DNAJB9: variants seen among roughly 807,000 people sequenced by gnomAD.
The protein encoded by DNAJB9 is DnaJ heat shock protein family (Hsp40) member B9.
DNAJB9 carries 12 observed loss-of-function variants against 19.2 expected under a neutral mutation model. That is an observed-to-expected ratio of 0.62 (90% confidence interval 0.40 to 1.01). The LOEUF is 1.01. Ranked by LOEUF, DNAJB9 falls within the 50% of genes least tolerant of loss-of-function variation. DNAJB9 has a pLI of 0.00. For missense variants in DNAJB9, 272 were observed against 261.1 expected (o/e 1.04, Z -0.29); for synonymous variants, 83 against 84.0 (o/e 0.99, Z 0.07).
At position 108,574,686 on chromosome 7, in the gene DNAJB9, G is replaced by A. The variant is rs562161357; in HGVS notation, c.*1333G>A. 6.6e-5 allele frequency: 10 copies of A among 152,162 alleles called. No individual in the cohort carries two copies. Among genetic ancestry groups the A allele is most frequent in the African/African-American group, 2.2e-4 (9 of 41,504 alleles). 9.4% of individuals were successfully genotyped at this position (152,162 alleles called of 1,614,324 possible). A position where few individuals can be genotyped will look rare whatever the true frequency, so the allele number is the denominator to read the frequency against. The stretch of plus-strand genomic sequence containing the variant: ...GCTGCCAGTTCTTTCCTCTTTAGGC[G>A]TGGTTGAGAAAAAGCAGAAACTTTA... On this transcript the variant is annotated 3_prime_UTR_variant, in exon 3 of 3. Coordinates refer to ENST00000249356, the MANE Select transcript of DNAJB9 (RefSeq NM_012328.3).
chr7:108,572,364 G>A (rs1790632790), intron 2 of DNAJB9, among the ~76,000 whole-genome samples: 1 of 152,076 alleles, frequency 6.6e-6, no homozygotes. Context: ...AGCCATATTT[G>A]TCTTCAAAGA....
Position 108,572,717 on chromosome 7 carries a change from T to C in DNAJB9, c.218-182T>C, listed in dbSNP as rs576542686. 4.6e-5 allele frequency among the ~76,000 whole-genome samples: 7 copies of C among 152,334 alleles called. No individual in the cohort carries two copies. The South Asian group carries it at 1.5e-3, about 32-fold the overall frequency. ...TAACTCAGCAGTTAATAAGACAGTT[T>C]CTGCTTTATTTTATAATTTTGATTA... On this transcript the variant is annotated intron_variant, in intron 2 of 2. Coordinates refer to ENST00000249356, the MANE Select transcript of DNAJB9 (RefSeq NM_012328.3).
intron 2 of DNAJB9, 119 bp from the exon 3 acceptor site, chr7:108,572,780 C>CT: frequency 1.3e-6 from 1 of 787,968 alleles, no homozygotes; most frequent in Non-Finnish European, 1.9e-6. Flanking sequence ...GCTTTTATTT[C>CT]TGATGCGAAA....
Position 108,571,852 on chromosome 7 carries a change from C to A in DNAJB9, c.126C>A (p.Ile42=). The A allele has an allele frequency of 6.2e-7, 1 of 1,614,138 alleles. No individual in the cohort carries two copies. The highest frequency in any genetic ancestry group is 8.5e-7 in the Non-Finnish European group (1 of 1,180,014). Residue 42 remains isoleucine (I), a synonymous_variant, in exon 2 of 3, where the codon ATC becomes ATA. Coordinates refer to ENST00000249356, the MANE Select transcript of DNAJB9 (RefSeq NM_012328.3). The stretch of plus-strand genomic sequence containing the variant: ...CAAAATCGGCATCAGAGCGCCAAAT[C>A]AAGAAGGCCTTTCACAAGTTGGCCA... The part of the protein sequence containing the change: ...GVPKSASERQ[I]KKAFHKLAMK...
At position 108,574,734 on chromosome 7, in the gene DNAJB9, A is replaced by G. The variant is rs965265264; in HGVS notation, c.*1381A>G. ...TTACATAAAGCTGTATTTCTTAATC[A>G]TCTTTAATTTGAAACTTAAGAAAAT... is the stretch of plus-strand genomic sequence containing the variant. On this transcript the variant is annotated 3_prime_UTR_variant, in exon 3 of 3. Coordinates refer to ENST00000249356, the MANE Select transcript of DNAJB9 (RefSeq NM_012328.3). 2 of 152,248 alleles carry G rather than the reference A, an allele frequency of 1.3e-5. No homozygotes were observed. Among genetic ancestry groups the G allele is most frequent in the African/African-American group, 4.8e-5 (2 of 41,472 alleles). 9.4% of individuals were successfully genotyped at this position (152,248 alleles called of 1,614,324 possible).
At position 108,573,079 on chromosome 7, in the gene DNAJB9, C is replaced by T; in HGVS notation, c.398C>T (p.Ser133Phe). 6.2e-7 allele frequency: 1 copy of T among 1,614,044 alleles called. No individual in the cohort carries two copies. Among genetic ancestry groups the T allele is most frequent in the East Asian group, 2.2e-5 (1 of 44,872 alleles). The part of the protein sequence containing the change: ...GFFGQNQNTG[S>F]KKRFENHFQT... ...TTTGGTCAAAACCAAAACACTGGAT[C>T]CAAGAAGCGTTTTGAAAATCATTTC... Residue 133 changes from serine to phenylalanine, a missense_variant, in exon 3 of 3, where the codon TCC becomes TTC. Physicochemically the swap from Ser to Phe is radical, Grantham distance 155 (BLOSUM62 -2). Transcript: ENST00000249356.
At chr7:108,570,752 G>T (rs990428585) in intron 1 of DNAJB9, among the ~76,000 whole-genome samples, 1 of 152,154 alleles carries the variant, frequency 6.6e-6, no homozygotes, top group Non-Finnish European at 1.5e-5. Context: ...CTCAGGAAAG[G>T]CCGCTGGAGA....
Position 108,573,243 on chromosome 7 carries a change from C to T in DNAJB9, c.562C>T (p.His188Tyr). 6.2e-7 allele frequency: 1 copy of T among 1,613,970 alleles called. No individual in the cohort carries two copies. The highest frequency in any genetic ancestry group is 8.5e-7 in the Non-Finnish European group (1 of 1,179,878). Reference sequence around the variant, plus strand: ...TAGTGGTTTTGACTCTACCAATCAGCATACAGTACAGACTGAAAATAGATT... The same window carrying T: ...TAGTGGTTTTGACTCTACCAATCAGTATACAGTACAGACTGAAAATAGATT... The part of the protein sequence containing the change: ...SFSGFDSTNQ[H>Y]TVQTENRFHG... The change falls in exon 3 of 3, where the codon CAT becomes TAT. Residue 188 changes from histidine to tyrosine, a missense_variant. By Grantham distance (83) the His-to-Tyr change is moderately conservative (BLOSUM62 2). Transcript: ENST00000249356.
At chr7:108,570,764 G>A (rs1289586146) in intron 1 of DNAJB9, among the ~76,000 whole-genome samples, 1 of 152,124 alleles carries the variant, frequency 6.6e-6, no homozygotes, top group African/African-American at 2.4e-5. Flanking sequence ...CGCTGGAGAG[G>A]AAGCCAGGCA....
chr7:108,572,541 T>G (rs1790634814), intron 2 of DNAJB9, among the ~76,000 whole-genome samples: 1 of 152,196 alleles, frequency 6.6e-6, no homozygotes, highest in Non-Finnish European at 1.5e-5. Flanking sequence ...TGGTTATAGT[T>G]GATGGTTTAA....
chr7:108,570,437 G>T (rs1790599236), intron 1 of DNAJB9, among the ~76,000 whole-genome samples: 4 of 152,100 alleles, frequency 2.6e-5, no homozygotes, highest in Admixed American at 2.6e-4. Context: ...GGGGAATAAG[G>T]CACGGGCTGC....
chr7:108,571,667 G>C, intron 1 of DNAJB9, 50 bp from the exon 2 acceptor site: 3 of 1,493,372 alleles, frequency 2.0e-6, no homozygotes, highest in East Asian at 4.5e-5. Flanking sequence ...AAAGAAAAAC[G>C]TTTTAAGATT....
rs943162050 is a variant in DNAJB9 at position 108,570,781 on chromosome 7, A to G, written c.-11+678A>G. Among the ~76,000 whole-genome samples the G allele has an allele frequency of 8.5e-5, 13 of 152,302 alleles. No individual in the cohort carries two copies. In the East Asian group the frequency reaches 2.1e-3, roughly 25 times the overall value. On this transcript the variant is annotated intron_variant, in intron 1 of 2. Coordinates refer to ENST00000249356, the MANE Select transcript of DNAJB9 (RefSeq NM_012328.3). ...CTGGAGAGGAAGCCAGGCAATTTCC[A>G]CAAACCGTAGTGTTTTTCGTCAGCC...
chr7:108,573,219 A>G lies in DNAJB9; in HGVS notation c.538A>G (p.Ser180Gly). The G allele has an allele frequency of 6.2e-7, 1 of 1,614,046 alleles. No homozygotes were observed. Among genetic ancestry groups the G allele is most frequent in the Non-Finnish European group, 8.5e-7 (1 of 1,179,918 alleles). ...FEDMEKMFSF[S>G]GFDSTNQHTV... ...AGATATGGAGAAAATGTTTTCTTTTAGTGGTTTTGACTCTACCAATCAGCA... is the reference window on the plus strand; with the variant it reads ...AGATATGGAGAAAATGTTTTCTTTTGGTGGTTTTGACTCTACCAATCAGCA... The change falls in exon 3 of 3, where the codon AGT becomes GGT. Residue 180 changes from serine (S) to glycine (G), a missense_variant. Transcript: ENST00000249356.
In DNAJB9 at chr7:108,574,131, T is replaced by G. The variant is rs1374555859; in HGVS notation, c.*778T>G. 6.6e-6 allele frequency: 1 copy of G among 152,648 alleles called. No individual in the cohort carries two copies. Among genetic ancestry groups the G allele is most frequent in the African/African-American group, 2.4e-5 (1 of 41,456 alleles). 9.5% of individuals were successfully genotyped at this position (152,648 alleles called of 1,614,324 possible). On this transcript the variant is annotated 3_prime_UTR_variant, in exon 3 of 3. Coordinates refer to ENST00000249356, the MANE Select transcript of DNAJB9 (RefSeq NM_012328.3). ...GTATGGATTTATGTGTTTGTGTGTG[T>G]GTAGTTTATCCTCTCTCTCATCTTT...
rs1243911832 is a variant in DNAJB9, at chr7:108,570,025, A to C, written c.-89A>C. On this transcript the variant is annotated 5_prime_UTR_variant, in exon 1 of 3. Coordinates refer to ENST00000249356, the MANE Select transcript of DNAJB9 (RefSeq NM_012328.3). ...GAGGCCGCGGTGAGGGGCCGGGCCC[A>C]AGCTGCCGACCCGAGCCGATCGTCA... The C allele has an allele frequency of 1.0e-5, 2 of 196,054 alleles. No homozygotes were observed. The highest frequency in any genetic ancestry group is 5.4e-5 in the Admixed American group (1 of 18,502). The allele number at this position is 196,054 out of a possible 1,614,324, so 12.1% of individuals were successfully genotyped here. A position where few individuals can be genotyped will look rare whatever the true frequency, so the allele number is the denominator to read the frequency against.
chr7:108,574,298 T>C lies in DNAJB9; in HGVS notation c.*945T>C, dbSNP rs1033902627. 6.6e-6 allele frequency: 1 copy of C among 152,650 alleles called. No homozygotes were observed. Among genetic ancestry groups the C allele is most frequent in the Non-Finnish European group, 1.5e-5 (1 of 68,026 alleles). The allele number at this position is 152,650 out of a possible 1,614,324, so 9.5% of individuals were successfully genotyped here. A position where few individuals can be genotyped will look rare whatever the true frequency, so the allele number is the denominator to read the frequency against. Reference sequence around the variant, plus strand: ...AGACTTATTTCTTTAGTTCTGCACTTTTCCACATTATACTCCATATGAGTA... The same window carrying C: ...AGACTTATTTCTTTAGTTCTGCACTCTTCCACATTATACTCCATATGAGTA... On this transcript the variant is annotated 3_prime_UTR_variant, in exon 3 of 3. Transcript: ENST00000249356.
At chr7:108,571,695 T>C (rs768836356) in intron 1 of DNAJB9, 22 bp from the exon 2 acceptor site, 54 of 1,580,594 alleles carry the variant, frequency 3.4e-5, no homozygotes, top group Admixed American at 9.0e-5. Flanking sequence ...TCCATAACAT[T>C]TTTTTTTCTT....
intron 1 of DNAJB9, among the ~76,000 whole-genome samples, chr7:108,571,121 A>G (rs1427958586): frequency 6.6e-6 from 1 of 152,166 alleles, no homozygotes; most frequent in Non-Finnish European, 1.5e-5. Context: ...GGGATCTTAC[A>G]TTTGGGAAAA....
Sources: allele counts gnomAD v4.1 joint callset (sites outside exome capture counted in the v4.1 genomes callset), GRCh38; gene constraint gnomAD v4.1.1; transcripts MANE v1.5; gene names NCBI Gene and HGNC (gene_info 2026-07-23, HGNC 2026-07-21).